EPHB1: variants seen among roughly 807,000 people sequenced by gnomAD.
EPHB1 encodes ephrin type-B receptor 1.
A neutral mutation model predicts 94.4 loss-of-function variants in EPHB1; 30 were observed. The observed-to-expected ratio is 0.32, with a 90% CI of 0.24 to 0.43. The LOEUF is 0.43. EPHB1 is among the 20% of genes least tolerant of loss of function. The pLI is 1.00. For missense variants in EPHB1, 1,055 were observed against 1,308.3 expected, an observed-to-expected ratio of 0.81 and a Z score of 2.99; for synonymous variants, 522 against 489.1, an observed-to-expected ratio of 1.07 and a Z score of -0.89.
chr3:135,166,075 A>G lies in EPHB1; in HGVS notation c.1693A>G (p.Arg565Gly). The change falls in exon 8 of 16, where the codon AGG becomes GGG. Residue 565 changes from arginine to glycine, a missense_variant and splice_region_variant. By Grantham distance (125) the Arg-to-Gly change is moderately radical. Transcript: ENST00000398015. Reference sequence around the variant, plus strand: ...GGTGGCCATCTCTATCGTCTGTAGCAGGTAGGTCCTCCACTCTCACTTGCT... The same window carrying G: ...GGTGGCCATCTCTATCGTCTGTAGCGGGTAGGTCCTCCACTCTCACTTGCT... ...SLVAISIVCS[R>G]KRAYSKEAVY... The G allele has an allele frequency of 1.2e-6, 2 of 1,612,848 alleles. No homozygotes were observed. The highest frequency in any genetic ancestry group is 1.1e-5 in the South Asian group (1 of 91,048).
intron 11 of EPHB1, among the ~76,000 whole-genome samples, chr3:135,200,667 A>G (rs1942727956): frequency 6.6e-6 from 1 of 152,178 alleles, no homozygotes. Context: ...CTCCAAGAGT[A>G]TAAAATCAAG....
chr3:135,085,216 C>T (rs989605920), intron 3 of EPHB1, among the ~76,000 whole-genome samples: 3 of 152,192 alleles, frequency 2.0e-5, no homozygotes, highest in African/African-American at 7.2e-5. Context: ...AGTTGATTAA[C>T]ACAAAGAGGC....
chr3:134,862,702 G>A (rs1422683501), intron 1 of EPHB1, among the ~76,000 whole-genome samples: 1 of 152,078 alleles, frequency 6.6e-6, no homozygotes, highest in Non-Finnish European at 1.5e-5. Flanking sequence ...ATGTTGCCGT[G>A]GCCATTGGTG....
chr3:135,220,419 C>T (rs1943248328), intron 12 of EPHB1, among the ~76,000 whole-genome samples: 1 of 152,118 alleles, frequency 6.6e-6, no homozygotes, highest in Non-Finnish European at 1.5e-5. Context: ...AAGGAAGGTT[C>T]TCAGCGAAAA....
chr3:135,069,699 A>C (rs2107781174), intron 3 of EPHB1, among the ~76,000 whole-genome samples: 1 of 152,192 alleles, frequency 6.6e-6, no homozygotes, highest in South Asian at 2.1e-4. Flanking sequence ...GTTTACTATA[A>C]CCAGCTTTGT....
chr3:134,959,966 CTTTTTTTTTTTTTTTTTTTTTTTTTT>C (rs61369813), intron 3 of EPHB1, among the ~76,000 whole-genome samples: 38,706 of 107,624 alleles, frequency 0.36, 6,631 homozygotes, highest in Middle Eastern at 0.51. Context: ...ACATCTGCAC[CTTTTTTTTTTTTTTTTTTTTTTTTTT>C]TTTTTTTTTT....
chr3:135,026,510 G>C (rs1056357572), intron 3 of EPHB1, among the ~76,000 whole-genome samples: 4 of 148,480 alleles, frequency 2.7e-5, no homozygotes, highest in African/African-American at 1.0e-4. Flanking sequence ...GTTTGTGAAA[G>C]ATCAGATAGT....
chr3:134,823,267 G>C (rs374544811), intron 1 of EPHB1, among the ~76,000 whole-genome samples: 1 of 152,228 alleles, frequency 6.6e-6, no homozygotes, highest in African/African-American at 2.4e-5. Context: ...GGTAGAACTA[G>C]CTTAGCTGGC....
intron 1 of EPHB1, among the ~76,000 whole-genome samples, chr3:134,870,552 C>G (rs1019281370): frequency 2.6e-5 from 4 of 152,218 alleles, no homozygotes; most frequent in African/African-American, 9.7e-5. Context: ...ACAACAAATT[C>G]TGAATCGTGC....
intron 1 of EPHB1, among the ~76,000 whole-genome samples, chr3:134,903,380 G>T (rs1040237055): frequency 5.3e-5 from 8 of 152,198 alleles, no homozygotes; most frequent in Non-Finnish European, 1.0e-4. Flanking sequence ...GAGAGAGGCT[G>T]ACTCTTCACA....
At chr3:134,932,190 G>T (rs1279642890) in intron 2 of EPHB1, among the ~76,000 whole-genome samples, 1 of 152,162 alleles carries the variant, frequency 6.6e-6, no homozygotes, top group Non-Finnish European at 1.5e-5. Context: ...GGAACAACAC[G>T]TATCTGAATG....
At chr3:134,841,712 C>A (rs568921869) in intron 1 of EPHB1, among the ~76,000 whole-genome samples, 1 of 152,146 alleles carries the variant, frequency 6.6e-6, no homozygotes, top group Non-Finnish European at 1.5e-5. Flanking sequence ...CTCTGCATAA[C>A]CTTAAGGAAA....
chr3:135,240,037 C>T (rs576992775), intron 12 of EPHB1, among the ~76,000 whole-genome samples: 4 of 152,260 alleles, frequency 2.6e-5, no homozygotes, highest in Admixed American at 1.3e-4. Context: ...TTCTTAACCA[C>T]CACCAGAAAC....
chr3:134,890,508 G>A (rs754061905), intron 1 of EPHB1, among the ~76,000 whole-genome samples: 10 of 152,156 alleles, frequency 6.6e-5, no homozygotes, highest in Non-Finnish European at 1.3e-4. Context: ...GTACATTTCT[G>A]AGAATTTCTC....
intron 3 of EPHB1, among the ~76,000 whole-genome samples, chr3:135,054,941 G>A (rs1480751162): frequency 6.6e-6 from 1 of 151,998 alleles, no homozygotes; most frequent in Non-Finnish European, 1.5e-5. Context: ...TAAAAATTTA[G>A]TATGAAATTA....
At chr3:135,118,876 C>A (rs1235868147) in intron 4 of EPHB1, among the ~76,000 whole-genome samples, 2 of 152,178 alleles carry the variant, frequency 1.3e-5, no homozygotes, top group Non-Finnish European at 2.9e-5. Context: ...CACAAAAATG[C>A]ATATCCCTAT....
intron 1 of EPHB1, among the ~76,000 whole-genome samples, chr3:134,902,408 C>A (rs954091920): frequency 6.6e-6 from 1 of 152,134 alleles, no homozygotes; most frequent in African/African-American, 2.4e-5. Context: ...TCCAGGATCC[C>A]AGACCAAGCA....
intron 4 of EPHB1, 136 bp downstream of exon 4, chr3:135,106,739 C>T: frequency 1.8e-6 from 2 of 1,097,072 alleles, no homozygotes; most frequent in South Asian, 1.5e-5. Flanking sequence ...GGTGCTGAAA[C>T]ATACAACTCC....
chr3:135,042,594 G>A (rs2107766739), intron 3 of EPHB1, among the ~76,000 whole-genome samples: 1 of 152,208 alleles, frequency 6.6e-6, no homozygotes, highest in East Asian at 1.9e-4. Context: ...CCCTCCTGCA[G>A]TGCTGGTGGT....
Sources: allele counts gnomAD v4.1 joint callset (sites outside exome capture counted in the v4.1 genomes callset), GRCh38; gene constraint gnomAD v4.1.1; transcripts MANE v1.5; gene names NCBI Gene and HGNC (gene_info 2026-07-23, HGNC 2026-07-21).